The following HLTF variants were observed in gnomAD, a reference collection of about 807,000 sequenced individuals.
HLTF encodes helicase like transcription factor, also known as DNA-dependent ATPase/E3 ubiquitin-protein ligase HLTF.
Under a neutral mutation model 129.4 loss-of-function variants are expected in HLTF, and 127 were observed. That is an observed-to-expected ratio of 0.98 (90% CI 0.85 to 1.14). The LOEUF (loss-of-function observed/expected upper bound fraction) is 1.14. Among genes scored for constraint, HLTF ranks in the 50% most tolerant of loss-of-function variants. The pLI, the probability that HLTF is intolerant of heterozygous loss-of-function variation, is 0.00. For missense variants in HLTF, 1,139 were observed against 1,187.1 expected (o/e 0.96, Z 0.60); for synonymous variants, 332 against 388.8 (o/e 0.85, Z 1.72).
chr3:149,059,533 GA>G, intron 13 of HLTF, 184 bp downstream of exon 13: 1 of 547,670 alleles, frequency 1.8e-6, no homozygotes. Flanking sequence ...AATACAGTAG[GA>G]AAATGCACCA....
chr3:149,069,727 CTGAG>C (rs1350178281), intron 7 of HLTF, among the ~76,000 whole-genome samples: 2 of 152,138 alleles, frequency 1.3e-5, no homozygotes, highest in East Asian at 3.8e-4. Flanking sequence ...TCAATCACGA[CTGAG>C]TGTCTGAAAG....
intron 23 of HLTF, among the ~76,000 whole-genome samples, chr3:149,038,108 C>T (rs1715808706): frequency 6.6e-6 from 1 of 152,180 alleles, no homozygotes; most frequent in Non-Finnish European, 1.5e-5. Flanking sequence ...GCTAAAAATG[C>T]AGCTTCCTGG....
chr3:149,065,047 A>T (rs1441614088), intron 8 of HLTF, among the ~76,000 whole-genome samples, 181 bp from the exon 9 acceptor site: 5 of 151,674 alleles, frequency 3.3e-5, no homozygotes, highest in African/African-American at 4.8e-5. Flanking sequence ...CTGATTTAAA[A>T]TTTTTTCACG....
At chr3:149,037,485 A>G (rs1247497863) in intron 23 of HLTF, among the ~76,000 whole-genome samples, 7 of 148,656 alleles carry the variant, frequency 4.7e-5, no homozygotes, top group African/African-American at 1.7e-4. Flanking sequence ...AAAAAAAAAG[A>G]AAAAAGAAAA....
In HLTF at chr3:149,039,642, T is replaced by G. The variant is rs754965743; in HGVS notation, c.2554A>C (p.Ile852Leu). ...LTDLRKKNPNIKSLVVSQFTT... is the reference protein window; with the variant it reads ...LTDLRKKNPNLKSLVVSQFTT... ...AACTGAGAAACAACCAAACTTTTTA[T>G]GTTGGGATTCTTCTTTCTTAAGTCA... The change falls in exon 22 of 25, where the codon ATA (isoleucine) becomes CTA (leucine). Residue 852 changes from isoleucine (I) to leucine (L), a missense_variant. Physicochemically the swap from Ile to Leu is conservative, Grantham distance 5. Transcript: ENST00000310053. 4.4e-6 allele frequency: 7 copies of G among 1,608,438 alleles called. No homozygotes were observed. The highest frequency in any genetic ancestry group is 5.9e-6 in the Non-Finnish European group (7 of 1,177,472).
Position 149,042,290 on chromosome 3 carries a change from C to A in HLTF, c.2073G>T (p.Arg691Ser). ...CCAGGACAGTCCCTTCATTAAAATACCTAGAGATTAAAATGTCAAATATTA... is the reference window on the plus strand; with the variant it reads ...CCAGGACAGTCCCTTCATTAAAATAACTAGAGATTAAAATGTCAAATATTA... Reference protein sequence around the residue: ...VKNEGRATIGRYFNEGTVLAH... With the variant: ...VKNEGRATIGSYFNEGTVLAH... Residue 691 changes from arginine to serine, a missense_variant and splice_region_variant, in exon 19 of 25, where the codon AGG becomes AGT. By Grantham distance (110) the Arg-to-Ser change is moderately radical (BLOSUM62 -1). Coordinates refer to ENST00000310053, the MANE Select transcript of HLTF (RefSeq NM_003071.4). The A allele has an allele frequency of 6.2e-7, 1 of 1,604,760 alleles. No homozygotes were observed. Among genetic ancestry groups the A allele is most frequent in the South Asian group, 1.1e-5 (1 of 89,720 alleles).
At chr3:149,076,082 TA>T in intron 2 of HLTF, 35 bp from the exon 3 acceptor site, 1 of 809,954 alleles carries the variant, frequency 1.2e-6, no homozygotes, top group Non-Finnish European at 1.9e-6. Flanking sequence ...TATTACATTA[TA>T]AATAATAGAC....
intron 23 of HLTF, among the ~76,000 whole-genome samples, chr3:149,036,424 G>A (rs1345809923): frequency 3.3e-5 from 5 of 149,998 alleles, no homozygotes; most frequent in African/African-American, 4.9e-5. Context: ...AAGTAGCTGG[G>A]ATTACAGGCG....
chr3:149,047,620 C>T (rs184532564), intron 17 of HLTF, among the ~76,000 whole-genome samples: 32 of 152,034 alleles, frequency 2.1e-4, no homozygotes, highest in South Asian at 2.1e-4. Flanking sequence ...CCAGCATGGA[C>T]GACAGAGCAA....
intron 3 of HLTF, 139 bp from the exon 4 acceptor site, chr3:149,074,487 G>T: frequency 1.4e-6 from 1 of 708,860 alleles, no homozygotes; most frequent in Non-Finnish European, 2.1e-6. Flanking sequence ...GGGCAGACTT[G>T]AAAGAAAAAA....
At chr3:149,067,336 C>T (rs1365639432) in intron 8 of HLTF, among the ~76,000 whole-genome samples, 2 of 151,850 alleles carry the variant, frequency 1.3e-5, no homozygotes, top group Non-Finnish European at 2.9e-5. Context: ...AAGTGAGGAA[C>T]CAAACTCCAC....
In HLTF at chr3:149,071,642, C is replaced by A; in HGVS notation, c.643G>T (p.Asp215Tyr). The A allele has an allele frequency of 6.3e-7, 1 of 1,582,196 alleles. No homozygotes were observed. Among genetic ancestry groups the A allele is most frequent in the South Asian group, 1.1e-5 (1 of 88,824 alleles). The change falls in exon 6 of 25, where the codon GAC (aspartate) becomes TAC (tyrosine). Residue 215 changes from aspartate to tyrosine, a missense_variant. Physicochemically the swap from Asp to Tyr is radical, Grantham distance 160. Coordinates refer to ENST00000310053, the MANE Select transcript of HLTF (RefSeq NM_003071.4). ...TCTTTTAAATCTTCAAACAATTTGTCAAATTCTGTTTTAAGCTACAATAAA... is the reference window on the plus strand; with the variant it reads ...TCTTTTAAATCTTCAAACAATTTGTAAAATTCTGTTTTAAGCTACAATAAA... ...MTTEQLKTEF[D>Y]KLFEDLKEDD... is the part of the protein sequence containing the mutation.
At chr3:149,078,343 TGA>T (rs1391612975) in intron 2 of HLTF, among the ~76,000 whole-genome samples, 1 of 151,980 alleles carries the variant, frequency 6.6e-6, no homozygotes, top group Non-Finnish European at 1.5e-5. Context: ...GCCAGGAATT[TGA>T]GACCAGCCTG....
intron 18 of HLTF, among the ~76,000 whole-genome samples, chr3:149,043,682 A>T (rs1716314702): frequency 6.6e-6 from 1 of 152,148 alleles, no homozygotes; most frequent in South Asian, 2.1e-4. Context: ...CTGATATTTA[A>T]GTATTTTAAG....
chr3:149,040,800 G>A (rs1401022315), intron 20 of HLTF, among the ~76,000 whole-genome samples: 1 of 152,106 alleles, frequency 6.6e-6, no homozygotes, highest in Non-Finnish European at 1.5e-5. Flanking sequence ...AGGGGACCTA[G>A]GCAGCAGATA....
At chr3:149,041,837 A>G in intron 19 of HLTF, 169 bp from the exon 20 acceptor site, 1 of 607,926 alleles carries the variant, frequency 1.6e-6, no homozygotes, top group African/African-American at 1.8e-5. Flanking sequence ...TTCAGAAGCC[A>G]AAATAGTAGC....
At position 149,031,382 on chromosome 3, in the gene HLTF, TAA is replaced by T. The variant is rs898619135; in HGVS notation, c.*836_*837del. The T allele has an allele frequency of 6.6e-6, 1 of 152,594 alleles. No individual in the cohort carries two copies. The highest frequency in any genetic ancestry group is 2.4e-5 in the African/African-American group (1 of 41,458). The allele number at this position is 152,594 out of a possible 1,614,324, so 9.5% of individuals were successfully genotyped here. ...TAGTCTTCTGAATTATAAAAATTTA[TAA>T]AGTTACTTCCAAAAAAAGCTACATA... On this transcript the variant is annotated 3_prime_UTR_variant, in exon 25 of 25. Coordinates refer to ENST00000310053, the MANE Select transcript of HLTF (RefSeq NM_003071.4).
chr3:149,071,682 A>G, intron 5 of HLTF, 25 bp from the exon 6 acceptor site: 5 of 1,313,022 alleles, frequency 3.8e-6, no homozygotes, highest in Non-Finnish European at 5.4e-6. Context: ...AACAAGAAAC[A>G]ATGTAAAACA....
At position 149,049,584 on chromosome 3, in the gene HLTF, AT is replaced by A. The variant is rs1480094891; in HGVS notation, c.1618-584del. Among the ~76,000 whole-genome samples the A allele has an allele frequency of 1.4e-4, 22 of 152,256 alleles. No homozygotes were observed. In the East Asian group the frequency reaches 4.2e-3, roughly 29 times the overall value. ...TTCAAACTGAGATATTAATCAAATC[AT>A]TGTGATAGAAAACAATTTTCCAGAA... On this transcript the variant is annotated intron_variant, in intron 15 of 24. Transcript: ENST00000310053.
Sources: gnomAD v4.1 joint callset for allele counts (sites outside exome capture counted in the v4.1 genomes callset) on GRCh38, gnomAD v4.1.1 for gene constraint, MANE v1.5 for transcripts, NCBI Gene and HGNC (gene_info 2026-07-23, HGNC 2026-07-21) for gene names.